The following PPME1 variants were observed in gnomAD, a reference collection of about 807,000 sequenced individuals.
PPME1 encodes the protein testicular secretory protein Li 39.
PPME1 carries 17 observed loss-of-function variants against 56.9 expected under a neutral mutation model. That is an observed-to-expected ratio of 0.30 (90% confidence interval 0.20 to 0.45). The LOEUF is 0.45. Among genes scored for constraint, PPME1 ranks in the 20% least tolerant of loss-of-function variants. The pLI, the probability that PPME1 is intolerant of heterozygous loss-of-function variation, is 1.00. For synonymous variants in PPME1, 122 were observed against 156.2 expected (o/e 0.78, Z 1.63); for missense variants, 357 against 483.2 (o/e 0.74, Z 2.45).
Position 74,253,534 on chromosome 11 carries a change from A to T in PPME1, c.*24A>T, listed in dbSNP as rs1427312442. The stretch of plus-strand genomic sequence containing the variant: ...AGTGACCTGCTGTCCACCCCTCCTC[A>T]ACATCGAGCTCTGTTGTAAATACGT... On this transcript the variant is annotated 3_prime_UTR_variant, in exon 14 of 14. Transcript: ENST00000328257. 1 of 1,596,320 alleles carries T rather than the reference A, an allele frequency of 6.3e-7. No homozygotes were observed. The highest frequency in any genetic ancestry group is 8.6e-7 in the Non-Finnish European group (1 of 1,164,020).
intron 3 of PPME1, among the ~76,000 whole-genome samples, chr11:74,219,569 G>A (rs1374354311): frequency 6.6e-6 from 1 of 152,090 alleles, no homozygotes; most frequent in African/African-American, 2.4e-5. Context: ...TTATAAAAAA[G>A]ACTGAGATCT....
intron 1 of PPME1, among the ~76,000 whole-genome samples, chr11:74,174,937 C>T (rs922827258): frequency 2.6e-5 from 4 of 152,180 alleles, no homozygotes; most frequent in African/African-American, 9.7e-5. Flanking sequence ...CTAATATTTT[C>T]TCTTGGGTAA....
intron 4 of PPME1, among the ~76,000 whole-genome samples, chr11:74,224,315 G>A (rs923728311): frequency 7.0e-6 from 1 of 142,428 alleles, no homozygotes; most frequent in Non-Finnish European, 1.5e-5. Context: ...CTCTGTTTTG[G>A]TACCAGTACC....
intron 1 of PPME1, among the ~76,000 whole-genome samples, chr11:74,187,809 G>A (rs1857725775): frequency 6.6e-6 from 1 of 152,166 alleles, no homozygotes; most frequent in Non-Finnish European, 1.5e-5. Context: ...CTGTGAATAT[G>A]TTATTTTACA....
At chr11:74,205,892 C>G (rs1858315453) in intron 3 of PPME1, 2 of 151,930 alleles carry the variant, frequency 1.3e-5, no homozygotes, top group Admixed American at 1.3e-4. Context: ...TTAGTAGACA[C>G]TTTAAATAGA....
chr11:74,235,718 A>G, intron 7 of PPME1, 183 bp from the exon 8 acceptor site: 1 of 940,824 alleles, frequency 1.1e-6, no homozygotes, highest in Non-Finnish European at 1.5e-6. Context: ...GTTTTTACTT[A>G]ATTTTTACTT....
intron 1 of PPME1, among the ~76,000 whole-genome samples, chr11:74,194,947 T>C (rs1243167768): frequency 6.6e-6 from 1 of 152,180 alleles, no homozygotes; most frequent in African/African-American, 2.4e-5. Flanking sequence ...AGCAGTTCAT[T>C]ATATCAGACA....
chr11:74,207,830 A>G lies in PPME1; in HGVS notation c.288+3385A>G, dbSNP rs536973898. Among the ~76,000 whole-genome samples, 26 of 152,282 alleles carry G rather than the reference A, an allele frequency of 1.7e-4. 1 individual carries two copies. The highest frequency in any genetic ancestry group is 8.5e-4 in the Admixed American group (13 of 15,302). On this transcript the variant is annotated intron_variant, in intron 3 of 13. Transcript: ENST00000328257. Reference sequence around the variant, plus strand: ...GCAGGCTAGATTTTGCCAGCCTCCAATGGTTTTCAGCTTTGGTACCTCTGA... The same window carrying G: ...GCAGGCTAGATTTTGCCAGCCTCCAGTGGTTTTCAGCTTTGGTACCTCTGA...
intron 3 of PPME1, among the ~76,000 whole-genome samples, chr11:74,210,592 A>C (rs374836289): frequency 1.3e-5 from 2 of 152,054 alleles, no homozygotes; most frequent in Non-Finnish European, 2.9e-5. Flanking sequence ...TTACTCTCCT[A>C]CTTCCAAGAG....
intron 11 of PPME1, 37 bp from the exon 12 acceptor site, chr11:74,250,917 T>C: frequency 2.6e-6 from 4 of 1,535,158 alleles, no homozygotes; most frequent in Non-Finnish European, 3.6e-6. Context: ...AGGGCTCTTT[T>C]AGTCGCTGAA....
chr11:74,213,351 A>G (rs150969615), intron 3 of PPME1, among the ~76,000 whole-genome samples: 174 of 152,330 alleles, frequency 1.1e-3, no homozygotes, highest in African/African-American at 4.1e-3. Context: ...AAGGTTTCCA[A>G]TTCCAAGCCC....
chr11:74,182,886 A>G (rs987645968), intron 1 of PPME1, among the ~76,000 whole-genome samples: 3 of 151,860 alleles, frequency 2.0e-5, no homozygotes, highest in Non-Finnish European at 2.9e-5. Context: ...GCCAGGCACC[A>G]TGGTTCATGC....
rs1008744739 is a variant in PPME1, at chr11:74,188,524, C to T, written c.102-15204C>T. ...AAAAGGAAGGACAAAAGGAATCAAGCGTTCACCCTGACATTTTCATTTCAA... is the reference window on the plus strand; with the variant it reads ...AAAAGGAAGGACAAAAGGAATCAAGTGTTCACCCTGACATTTTCATTTCAA... On this transcript the variant is annotated intron_variant, in intron 1 of 13. Transcript: ENST00000328257. Among the ~76,000 whole-genome samples the T allele has an allele frequency of 4.6e-5, 7 of 152,094 alleles. No homozygotes were observed. In the East Asian group the frequency reaches 9.6e-4, roughly 21 times the overall value.
Position 74,225,261 on chromosome 11 carries a change from G to C in PPME1, c.398+5G>C. The C allele has an allele frequency of 6.4e-7, 1 of 1,552,590 alleles. No homozygotes were observed. Among genetic ancestry groups the C allele is most frequent in the Non-Finnish European group, 8.8e-7 (1 of 1,140,576 alleles). On this transcript the variant is annotated splice_donor_5th_base_variant and intron_variant, in intron 5 of 13. Coordinates refer to ENST00000328257, the MANE Select transcript of PPME1 (RefSeq NM_016147.3). ...GTCTGCAGAAACAATGGCAAAGTAA[G>C]TAACCAAATATTTCTTATACATTGC... is the stretch of plus-strand genomic sequence containing the variant.
intron 3 of PPME1, among the ~76,000 whole-genome samples, chr11:74,213,683 T>C (rs199960996): frequency 6.6e-6 from 1 of 152,228 alleles, no homozygotes; most frequent in East Asian, 1.9e-4. Flanking sequence ...TGTAAGAATC[T>C]CTGTCTGGTA....
chr11:74,252,849 T>C (rs1859738791), intron 13 of PPME1, among the ~76,000 whole-genome samples: 1 of 152,120 alleles, frequency 6.6e-6, no homozygotes, highest in African/African-American at 2.4e-5. Flanking sequence ...GGGCTCTTTG[T>C]TGAGGAAGAA....
intron 1 of PPME1, among the ~76,000 whole-genome samples, chr11:74,181,586 CTTTGTTTCT>C (rs1469669507): frequency 1.3e-5 from 2 of 152,166 alleles, no homozygotes; most frequent in Admixed American, 6.5e-5. Context: ...GTGCAAGGAC[CTTTGTTTCT>C]TTGTGCTTTC....
At chr11:74,172,700 G>C (rs971578432) in intron 1 of PPME1, among the ~76,000 whole-genome samples, 43 of 152,096 alleles carry the variant, frequency 2.8e-4, no homozygotes, top group Non-Finnish European at 5.7e-4. Context: ...TGGTTTTGAG[G>C]GGATATTTGT....
At chr11:74,234,753 A>G (rs1160331972) in intron 7 of PPME1, among the ~76,000 whole-genome samples, 3 of 152,246 alleles carry the variant, frequency 2.0e-5, no homozygotes, top group Admixed American at 1.3e-4. Flanking sequence ...ATAGGAGAGC[A>G]GAGAAATGGA....
Sources: allele counts gnomAD v4.1 joint callset (sites outside exome capture counted in the v4.1 genomes callset), GRCh38; gene constraint gnomAD v4.1.1; transcripts MANE v1.5; gene names NCBI Gene and HGNC (gene_info 2026-07-23, HGNC 2026-07-21).